Variants in PLCB1 observed in about 807,000 individuals in gnomAD.
PLCB1 encodes 1-phosphatidylinositol 4,5-bisphosphate phosphodiesterase beta-1.
PLCB1 carries 46 observed loss-of-function variants against 161.8 expected under a neutral mutation model. The observed-to-expected ratio is 0.28, with a 90% confidence interval of 0.22 to 0.36. The LOEUF is 0.36. Ranked by LOEUF, PLCB1 falls within the 10% of genes least tolerant of loss-of-function variation. PLCB1 has a pLI of 1.00. For missense variants in PLCB1, 1,016 were observed against 1,472.5 expected (o/e 0.69, Z 5.07); for synonymous variants, 517 against 503.7 (o/e 1.03, Z -0.35).
chr20:8,157,951 A>G (rs1485761379), intron 2 of PLCB1, among the ~76,000 whole-genome samples: 2 of 152,232 alleles, frequency 1.3e-5, no homozygotes, highest in African/African-American at 4.8e-5. Flanking sequence ...ACGAAAATTC[A>G]TTACTCCTAA....
At chr20:8,683,396 G>GA (rs11481284) in intron 9 of PLCB1, among the ~76,000 whole-genome samples, 82,812 of 148,514 alleles carry the variant, frequency 0.56, 23,155 homozygotes, top group African/African-American at 0.63. Context: ...GTTTCAACAA[G>GA]AAAAAAAAAA....
intron 2 of PLCB1, among the ~76,000 whole-genome samples, chr20:8,286,037 A>C (rs1338854976): frequency 6.6e-6 from 1 of 152,156 alleles, no homozygotes. Context: ...AAAAGGATAA[A>C]TTTTCATCCT....
intron 3 of PLCB1, among the ~76,000 whole-genome samples, chr20:8,459,076 G>C (rs1431591918): frequency 1.3e-5 from 2 of 152,178 alleles, no homozygotes; most frequent in Admixed American, 1.3e-4. Flanking sequence ...ATTGGTTTGT[G>C]GGGGAGAAAG....
chr20:8,785,421 G>A (rs1039672431), intron 27 of PLCB1, among the ~76,000 whole-genome samples: 4 of 152,144 alleles, frequency 2.6e-5, no homozygotes, highest in African/African-American at 9.7e-5. Flanking sequence ...AGAAAGCCAG[G>A]TCATCAGCTC....
intron 31 of PLCB1, among the ~76,000 whole-genome samples, chr20:8,858,932 AT>A (rs1258659575): frequency 1.3e-5 from 2 of 151,052 alleles, no homozygotes; most frequent in African/African-American, 4.9e-5. Context: ...AAAAAAAAAA[AT>A]TAGAGTAGTG....
chr20:8,229,791 C>A (rs1346168864), intron 2 of PLCB1, among the ~76,000 whole-genome samples: 10 of 133,860 alleles, frequency 7.5e-5, no homozygotes, highest in African/African-American at 2.8e-4. Context: ...GAGGCCAAGG[C>A]GGGGGTGGGT....
intron 2 of PLCB1, among the ~76,000 whole-genome samples, chr20:8,171,480 C>T (rs1468652904): frequency 6.6e-6 from 1 of 152,096 alleles, no homozygotes; most frequent in Non-Finnish European, 1.5e-5. Flanking sequence ...GTTAAAAATA[C>T]ATACTCTGAA....
chr20:8,872,730 G>A (rs1208735211), intron 31 of PLCB1, among the ~76,000 whole-genome samples: 1 of 152,036 alleles, frequency 6.6e-6, no homozygotes, highest in African/African-American at 2.4e-5. Flanking sequence ...TCCTCAATGT[G>A]CTCCATGAAT....
At chr20:8,213,962 T>C (rs1600238160) in intron 2 of PLCB1, among the ~76,000 whole-genome samples, 1 of 152,038 alleles carries the variant, frequency 6.6e-6, no homozygotes, top group East Asian at 1.9e-4. Flanking sequence ...TCTAATTTAG[T>C]GTCACAACTA....
chr20:8,202,992 T>C (rs1442742473), intron 2 of PLCB1, among the ~76,000 whole-genome samples: 3 of 151,964 alleles, frequency 2.0e-5, no homozygotes, highest in African/African-American at 7.3e-5. Context: ...CTTTAGTGAA[T>C]GGGAAATATT....
At chr20:8,197,028 A>G (rs1406108230) in intron 2 of PLCB1, among the ~76,000 whole-genome samples, 1 of 152,246 alleles carries the variant, frequency 6.6e-6, no homozygotes, top group South Asian at 2.1e-4. Context: ...ATAGTATTCT[A>G]TGGTGTATAT....
chr20:8,280,272 T>C (rs1982807135), intron 2 of PLCB1, among the ~76,000 whole-genome samples: 1 of 151,276 alleles, frequency 6.6e-6, no homozygotes, highest in Non-Finnish European at 1.5e-5. Context: ...GAGGCAGAGG[T>C]TGCATTGAGC....
Position 8,267,887 on chromosome 20 carries a change from T to G in PLCB1, c.178-103495T>G, listed in dbSNP as rs191574108. Among the ~76,000 whole-genome samples, 616 of 152,156 alleles carry G rather than the reference T, an allele frequency of 4.0e-3. 2 individuals are homozygous for G. The highest frequency in any genetic ancestry group is 6.8e-3 in the Middle Eastern group (2 of 294). ...GCTGAAGCAGAGTTACAAAGTTACA[T>G]ATGAAGACTTGGCCCACAACCAGTC... On this transcript the variant is annotated intron_variant, in intron 2 of 31. Coordinates refer to ENST00000338037, the MANE Select transcript of PLCB1 (RefSeq NM_015192.4).
In PLCB1 at chr20:8,698,670, A is replaced by G. The variant is rs142645910; in HGVS notation, c.1167+887A>G. 7.4e-4 allele frequency among the ~76,000 whole-genome samples: 112 copies of G among 152,234 alleles called. 2 individuals are homozygous for G. Among genetic ancestry groups the G allele is most frequent in the African/African-American group, 2.6e-3 (108 of 41,540 alleles). Reference sequence around the variant, plus strand: ...GTGTCTCAGTAAAAGTTTATTAGAGAGGACTTACAGGACTTGGGCTTATAG... The same window carrying G: ...GTGTCTCAGTAAAAGTTTATTAGAGGGGACTTACAGGACTTGGGCTTATAG... On this transcript the variant is annotated intron_variant, in intron 11 of 31. Transcript: ENST00000338037.
chr20:8,859,232 C>T (rs112645990), intron 31 of PLCB1, among the ~76,000 whole-genome samples: 61 of 152,290 alleles, frequency 4.0e-4, no homozygotes, highest in African/African-American at 1.1e-3. Flanking sequence ...AAAGAAGCAC[C>T]GAATCCAGAA....
intron 31 of PLCB1, among the ~76,000 whole-genome samples, chr20:8,849,162 C>T (rs1986798285): frequency 6.6e-6 from 1 of 152,100 alleles, no homozygotes; most frequent in Non-Finnish European, 1.5e-5. Context: ...AAAGAGAAGC[C>T]AAACACTCAA....
At chr20:8,203,097 GCACACA>G (rs61698006) in intron 2 of PLCB1, among the ~76,000 whole-genome samples, 11 of 150,154 alleles carry the variant, frequency 7.3e-5, no homozygotes, top group Non-Finnish European at 1.3e-4. Context: ...ACACACACGC[GCACACA>G]CACACACACA....
chr20:8,589,610 CTTTT>C (rs71183102), intron 3 of PLCB1, among the ~76,000 whole-genome samples: 4 of 80,106 alleles, frequency 5.0e-5, no homozygotes, highest in Admixed American at 3.1e-4. Context: ...CAATCTCTCT[CTTTT>C]TTTTTTTTTT....
At chr20:8,857,865 C>T (rs1490639460) in intron 31 of PLCB1, among the ~76,000 whole-genome samples, 3 of 152,186 alleles carry the variant, frequency 2.0e-5, no homozygotes, top group Non-Finnish European at 2.9e-5. Flanking sequence ...CCTTTAGCCA[C>T]ATGTTCCTTC....
Sources: allele counts gnomAD v4.1 joint callset (sites outside exome capture counted in the v4.1 genomes callset), GRCh38; gene constraint gnomAD v4.1.1; transcripts MANE v1.5; gene names NCBI Gene and HGNC (gene_info 2026-07-23, HGNC 2026-07-21).